MACROD2: variants seen among roughly 807,000 people sequenced by gnomAD.
MACROD2 encodes the protein mono-ADP ribosylhydrolase 2.
MACROD2 carries 36 observed loss-of-function variants against 70.4 expected under a neutral mutation model. The ratio of observed to expected loss-of-function variants is 0.51; its 90% confidence interval spans 0.39 to 0.68. MACROD2 has a LOEUF of 0.68. Among genes scored for constraint, MACROD2 ranks in the 30% least tolerant of loss-of-function variants. The pLI is 0.00. For synonymous variants in MACROD2, 172 were observed against 178.8 expected, an observed-to-expected ratio of 0.96 and a Z score of 0.30; for missense variants, 496 against 538.4, an observed-to-expected ratio of 0.92 and a Z score of 0.78.
At chr20:14,716,734 A>G (rs1018630543) in intron 5 of MACROD2, among the ~76,000 whole-genome samples, 5 of 152,138 alleles carry the variant, frequency 3.3e-5, no homozygotes, top group Non-Finnish European at 7.4e-5. Context: ...GGTAAAAAAA[A>G]TGTGTAATTG....
intron 3 of MACROD2, among the ~76,000 whole-genome samples, chr20:14,224,840 A>G (rs993328438): frequency 2.6e-5 from 4 of 152,146 alleles, no homozygotes; most frequent in Non-Finnish European, 5.9e-5. Flanking sequence ...TCAGAGGCCT[A>G]TGGTTTTCAA....
At chr20:15,511,064 G>A (rs1306871472) in intron 8 of MACROD2, among the ~76,000 whole-genome samples, 4 of 152,298 alleles carry the variant, frequency 2.6e-5, no homozygotes, top group Middle Eastern at 3.4e-3. Flanking sequence ...GAAGCCCCAC[G>A]TGGATCCTGA....
intron 4 of MACROD2, among the ~76,000 whole-genome samples, chr20:14,605,650 CTG>C (rs1376711802): frequency 6.6e-6 from 1 of 152,090 alleles, no homozygotes; most frequent in Admixed American, 6.6e-5. Flanking sequence ...TTTTCAATCA[CTG>C]TTAAAGCATT....
At chr20:14,401,826 T>G (rs1215146830) in intron 3 of MACROD2, among the ~76,000 whole-genome samples, 2 of 152,152 alleles carry the variant, frequency 1.3e-5, no homozygotes, top group Non-Finnish European at 1.5e-5. Context: ...ATTGTTTTAT[T>G]TCATATTTAT....
At chr20:15,384,071 C>T (rs2045679093) in intron 6 of MACROD2, among the ~76,000 whole-genome samples, 1 of 152,108 alleles carries the variant, frequency 6.6e-6, no homozygotes, top group South Asian at 2.1e-4. Flanking sequence ...TTTAGTCACA[C>T]TTGGAATGGA....
chr20:15,494,844 T>A (rs2047277208), intron 7 of MACROD2, among the ~76,000 whole-genome samples: 1 of 151,142 alleles, frequency 6.6e-6, no homozygotes, highest in Non-Finnish European at 1.5e-5. Flanking sequence ...AAGAAAAAAA[T>A]CATTTATTTA....
chr20:15,766,891 T>C (rs1255437074), intron 8 of MACROD2, among the ~76,000 whole-genome samples: 1 of 152,208 alleles, frequency 6.6e-6, no homozygotes, highest in Non-Finnish European at 1.5e-5. Context: ...CCCAGGCTTG[T>C]TTTCATGGTG....
rs11358439 is a variant in MACROD2, at chr20:14,718,292, C to CAAAAAAAAAA, written c.418+33350_418+33359dup. On this transcript the variant is annotated intron_variant, in intron 5 of 17. Transcript: ENST00000684519. Reference sequence around the variant, plus strand: ...TGGGCGACAGAGAGAGACTCTGTCTCAAAAAAAAAAAAAAAAAAAAAAAAA... The same window carrying CAAAAAAAAAA: ...TGGGCGACAGAGAGAGACTCTGTCTCAAAAAAAAAAAAAAAAAAAAAAAAAAAAAAAAAAA... Among the ~76,000 whole-genome samples the CAAAAAAAAAA allele has an allele frequency of 1.5e-4, 8 of 54,640 alleles. 1 individual carries two copies. The highest frequency in any genetic ancestry group is 2.4e-4 in the Non-Finnish European group (8 of 33,468). 35.8% of individuals were successfully genotyped at this position (54,640 alleles called of 152,430 possible).
chr20:14,954,879 T>TATGTAATTAAATATATTGTATAATTAC (rs2074513993), intron 5 of MACROD2, among the ~76,000 whole-genome samples: 1 of 75,842 alleles, frequency 1.3e-5, no homozygotes, highest in African/African-American at 5.8e-5. Flanking sequence ...TATATAATTA[T>TATGTAATTAAATATATTGTATAATTAC]TTAATTATAT....
intron 5 of MACROD2, among the ~76,000 whole-genome samples, chr20:15,126,056 T>C (rs2076064287): frequency 6.6e-6 from 1 of 151,462 alleles, no homozygotes; most frequent in Admixed American, 6.6e-5. Context: ...ATAGTATGGA[T>C]ATAGTACATT....
chr20:15,529,829 A>G (rs2047773206), intron 8 of MACROD2, among the ~76,000 whole-genome samples: 1 of 152,202 alleles, frequency 6.6e-6, no homozygotes, highest in Non-Finnish European at 1.5e-5. Flanking sequence ...GTTGGGAGAA[A>G]GAAAGGGAAT....
intron 5 of MACROD2, among the ~76,000 whole-genome samples, chr20:14,865,573 T>C (rs564812354): frequency 6.6e-6 from 1 of 151,736 alleles, no homozygotes; most frequent in East Asian, 1.9e-4. Context: ...CATGAATTGA[T>C]GGCTTTTCAG....
At chr20:15,170,832 T>G (rs964884980) in intron 5 of MACROD2, among the ~76,000 whole-genome samples, 5 of 151,746 alleles carry the variant, frequency 3.3e-5, no homozygotes, top group Non-Finnish European at 7.4e-5. Flanking sequence ...TGCTGAAGAG[T>G]TGAAAATACC....
chr20:15,947,079 C>T (rs1272968106), intron 12 of MACROD2, among the ~76,000 whole-genome samples: 3 of 152,182 alleles, frequency 2.0e-5, no homozygotes, highest in Non-Finnish European at 2.9e-5. Context: ...TCTCGACTCC[C>T]GCCACAGGGC....
At chr20:14,917,194 T>G (rs2074102927) in intron 5 of MACROD2, among the ~76,000 whole-genome samples, 1 of 150,668 alleles carries the variant, frequency 6.6e-6, no homozygotes, top group African/African-American at 2.4e-5. Context: ...CCCTCCATTG[T>G]GCATCCTAGA....
At chr20:14,037,977 G>A (rs1280447763) in intron 2 of MACROD2, among the ~76,000 whole-genome samples, 1 of 151,948 alleles carries the variant, frequency 6.6e-6, no homozygotes, top group Non-Finnish European at 1.5e-5. Context: ...GTACGGGGGC[G>A]AGATAACTGT....
chr20:14,988,367 A>AAC lies in MACROD2; in HGVS notation c.419-241572_419-241571insCA, dbSNP rs1555860760. 1.0e-3 allele frequency among the ~76,000 whole-genome samples: 156 copies of AAC among 151,466 alleles called. 1 individual carries two copies. The highest frequency in any genetic ancestry group is 2.0e-3 in the Non-Finnish European group (135 of 67,850). ...AATGAGACTCTGTCAAAAAAAAAAAAAAAAAAAGGCTTTATAAATATCAAT... is the reference window on the plus strand; with the variant it reads ...AATGAGACTCTGTCAAAAAAAAAAAAACAAAAAAAGGCTTTATAAATATCAAT... On this transcript the variant is annotated intron_variant, in intron 5 of 17. Transcript: ENST00000684519.
chr20:15,836,023 C>T (rs1399121432), intron 8 of MACROD2, among the ~76,000 whole-genome samples: 1 of 152,180 alleles, frequency 6.6e-6, no homozygotes, highest in Non-Finnish European at 1.5e-5. Context: ...CTGTCAGAAG[C>T]AGAAGCCTCA....
chr20:15,122,787 G>GA (rs1217883506), intron 5 of MACROD2, among the ~76,000 whole-genome samples: 3 of 152,090 alleles, frequency 2.0e-5, no homozygotes, highest in Non-Finnish European at 4.4e-5. Flanking sequence ...TCATGAGGGG[G>GA]AAAAACACAG....
Sources: allele counts gnomAD v4.1 joint callset (sites outside exome capture counted in the v4.1 genomes callset), GRCh38; gene constraint gnomAD v4.1.1; transcripts MANE v1.5; gene names NCBI Gene and HGNC (gene_info 2026-07-23, HGNC 2026-07-21).